The following MYO1H variants were observed in gnomAD, a reference collection of about 807,000 sequenced individuals.
The protein encoded by MYO1H is myosin IH.
MYO1H carries 118 observed loss-of-function variants against 149.3 expected under a neutral mutation model. The observed-to-expected ratio is 0.79, with a 90% CI of 0.68 to 0.92. The LOEUF (loss-of-function observed/expected upper bound fraction) is 0.92, where lower values mean the gene tolerates loss of function less well. Among genes scored for constraint, MYO1H ranks in the 40% least tolerant of loss-of-function variants. The probability of loss-of-function intolerance (pLI) is 0.00; values close to 1 mark genes in which losing one functional copy is unlikely to be tolerated. For synonymous variants in MYO1H, 447 were observed against 465.2 expected, an observed-to-expected ratio of 0.96 and a Z score of 0.50; for missense variants, 1,212 against 1,280.7, an observed-to-expected ratio of 0.95 and a Z score of 0.82.
chr12:109,321,122 T>A, the MYO1H span, among the ~76,000 whole-genome samples: 556 of 151,910 alleles, frequency 3.7e-3, 6 homozygotes, highest in African/African-American at 0.013. Flanking sequence ...AGGGCATAAG[T>A]GGGTAAATCT....
intron 1 of MYO1H, among the ~76,000 whole-genome samples, chr12:109,350,366 G>A (rs1031840947): frequency 9.2e-5 from 14 of 152,058 alleles, no homozygotes; most frequent in South Asian, 2.1e-4. Context: ...GGAGATTATC[G>A]AATCATGGGG....
At chr12:109,445,291 G>A in intron 30 of MYO1H, 2 of 473,266 alleles carry the variant, frequency 4.2e-6, no homozygotes, top group Non-Finnish European at 7.5e-6. Context: ...TTGAAGAACT[G>A]AATGTGCTCA....
At chr12:109,355,813 G>C (rs910915798) in intron 1 of MYO1H, among the ~76,000 whole-genome samples, 1 of 150,672 alleles carries the variant, frequency 6.6e-6, no homozygotes, top group Admixed American at 6.6e-5. Context: ...TGCAACCTCT[G>C]ACTCCTGCCT....
the MYO1H span, among the ~76,000 whole-genome samples, chr12:109,327,689 T>G: frequency 7.7e-6 from 1 of 130,296 alleles, no homozygotes; most frequent in Non-Finnish European, 1.5e-5. Context: ...GAGGTTGCAG[T>G]GAGCAGAGAT....
chr12:109,358,446 TA>T (rs1868658343), intron 1 of MYO1H, among the ~76,000 whole-genome samples: 1 of 152,214 alleles, frequency 6.6e-6, no homozygotes, highest in African/African-American at 2.4e-5. Context: ...CAAGGCTAAC[TA>T]ATTTTCCAGA....
the MYO1H span, among the ~76,000 whole-genome samples, chr12:109,311,637 C>T: frequency 2.1e-3 from 322 of 152,292 alleles, 1 homozygote; most frequent in African/African-American, 7.0e-3. Flanking sequence ...GAGCTAAAGG[C>T]GGCCAATACC....
intron 19 of MYO1H, among the ~76,000 whole-genome samples, chr12:109,429,243 A>G (rs1871508507): frequency 6.6e-6 from 1 of 152,176 alleles, no homozygotes; most frequent in African/African-American, 2.4e-5. Flanking sequence ...TATCTGAGCT[A>G]GCACTGTCCT....
rs537372716 is a variant in MYO1H at position 109,417,541 on chromosome 12, G to A, written c.1597+1921G>A. On this transcript the variant is annotated intron_variant, in intron 15 of 31. Coordinates refer to ENST00000310903, the Ensembl canonical transcript of MYO1H. Reference sequence around the variant, plus strand: ...ACGGGGTTTCACCGTGTTAGCCAGGGTGGTCTCCATCTACCGACCTCGTGA... The same window carrying A: ...ACGGGGTTTCACCGTGTTAGCCAGGATGGTCTCCATCTACCGACCTCGTGA... Among the ~76,000 whole-genome samples, 54 of 151,954 alleles carry A rather than the reference G, an allele frequency of 3.6e-4. No individual in the cohort carries two copies. In the East Asian group the frequency reaches 3.9e-3, roughly 11 times the overall value.
chr12:109,378,614 C>T (rs979522723), intron 1 of MYO1H, among the ~76,000 whole-genome samples: 2 of 152,160 alleles, frequency 1.3e-5, no homozygotes, highest in Admixed American at 6.5e-5. Context: ...CCACTGTGCC[C>T]GACCTGCACC....
chr12:109,409,266 T>C (rs1870557570), intron 10 of MYO1H, among the ~76,000 whole-genome samples: 1 of 112,788 alleles, frequency 8.9e-6, no homozygotes, highest in Non-Finnish European at 1.7e-5. Context: ...TTTTTTTTTT[T>C]TTTTTTTTGA....
chr12:109,387,891 C>G (rs1228777939), intron 1 of MYO1H, among the ~76,000 whole-genome samples: 2 of 152,194 alleles, frequency 1.3e-5, no homozygotes, highest in South Asian at 2.1e-4. Flanking sequence ...CCATGGTCTC[C>G]CATCCAGCAG....
At position 109,442,210 on chromosome 12, in the gene MYO1H, T is replaced by C. The variant is rs770521698; in HGVS notation, c.2633-7T>C. 3.1e-6 allele frequency: 5 copies of C among 1,613,536 alleles called. No homozygotes were observed. In the South Asian group the frequency reaches 5.5e-5, roughly 18 times the overall value. ...GATGATTCATGGCCTTCTGGTTCCC[T>C]CTCTAGATGAAGGAGACATTAATCC... On this transcript the variant is annotated splice_region_variant and splice_polypyrimidine_tract_variant and intron_variant, in intron 26 of 31. Coordinates refer to ENST00000310903, the Ensembl canonical transcript of MYO1H.
At chr12:109,446,825 G>A (rs1322737883) in intron 31 of MYO1H, among the ~76,000 whole-genome samples, 3 of 152,162 alleles carry the variant, frequency 2.0e-5, no homozygotes, top group Non-Finnish European at 4.4e-5. Context: ...GAACTCCTTT[G>A]GGGACAAGTT....
At chr12:109,388,618 G>C in intron 1 of MYO1H, 65 bp from the exon 2 acceptor site, 2 of 1,350,156 alleles carry the variant, frequency 1.5e-6, no homozygotes, top group Non-Finnish European at 2.0e-6. Context: ...TTATTTCCAT[G>C]CATTAGACGT....
At chr12:109,380,028 G>A (rs995174289) in intron 1 of MYO1H, among the ~76,000 whole-genome samples, 2 of 152,110 alleles carry the variant, frequency 1.3e-5, no homozygotes, top group East Asian at 3.9e-4. Flanking sequence ...ACCACGCCCG[G>A]CCAGCAATTT....
chr12:109,318,972 G>GTTTTTTTTTTTTTTTTTGTTTTTTT, the MYO1H span, among the ~76,000 whole-genome samples: 1 of 77,250 alleles, frequency 1.3e-5, no homozygotes, highest in African/African-American at 4.7e-5. Context: ...TTTTGGTTTT[G>GTTTTTTTTTTTTTTTTTGTTTTTTT]TTTTTTTTTT....
chr12:109,357,339 T>C (rs1868630517), intron 1 of MYO1H: 1 of 152,224 alleles, frequency 6.6e-6, no homozygotes, highest in African/African-American at 2.4e-5. Context: ...CCATTAAACA[T>C]TGATTGGAAA....
At chr12:109,400,156 A>G (rs1208285350) in intron 5 of MYO1H, among the ~76,000 whole-genome samples, 1 of 152,214 alleles carries the variant, frequency 6.6e-6, no homozygotes, top group African/African-American at 2.4e-5. Context: ...TGACTATGTC[A>G]CAACTTATCT....
chr12:109,386,063 T>G (rs1212928162), intron 1 of MYO1H, among the ~76,000 whole-genome samples: 1 of 152,242 alleles, frequency 6.6e-6, no homozygotes, highest in Non-Finnish European at 1.5e-5. Flanking sequence ...GATTTTTCAC[T>G]GTGGATTAGT....
Sources: gnomAD v4.1 joint callset for allele counts (sites outside exome capture counted in the v4.1 genomes callset) on GRCh38, gnomAD v4.1.1 for gene constraint, MANE v1.5 for transcripts, NCBI Gene and HGNC (gene_info 2026-07-23, HGNC 2026-07-21) for gene names.